PTPRM: variants seen among roughly 807,000 people sequenced by gnomAD.
PTPRM encodes the protein receptor-type tyrosine-protein phosphatase mu.
Under a neutral mutation model 186.7 loss-of-function variants are expected in PTPRM, and 47 were observed. The ratio of observed to expected loss-of-function variants is 0.25; its 90% CI spans 0.20 to 0.32. The LOEUF is 0.32. Among genes scored for constraint, PTPRM ranks in the 10% least tolerant of loss-of-function variants. PTPRM has a pLI of 1.00. For missense variants in PTPRM, 1,494 were observed against 1,865.0 expected (o/e 0.80, Z 3.66); for synonymous variants, 668 against 674.9 (o/e 0.99, Z 0.16).
intron 1 of PTPRM, chr18:7,749,258 C>T (rs953435191): frequency 6.6e-6 from 1 of 151,944 alleles, no homozygotes; most frequent in Non-Finnish European, 1.5e-5. Context: ...CATTTCGGCA[C>T]CCTTTTAGCT....
At chr18:7,699,008 A>C (rs185062257) in intron 1 of PTPRM, among the ~76,000 whole-genome samples, 65 of 152,346 alleles carry the variant, frequency 4.3e-4, no homozygotes, top group African/African-American at 1.4e-3. Context: ...ACCAGGCTGC[A>C]CATCAGGACG....
intron 17 of PTPRM, among the ~76,000 whole-genome samples, chr18:8,248,930 T>C (rs2094502267): frequency 1.3e-5 from 2 of 152,202 alleles, no homozygotes; most frequent in African/African-American, 2.4e-5. Flanking sequence ...GTCCCGTTTG[T>C]CCAATATAAG....
intron 1 of PTPRM, among the ~76,000 whole-genome samples, chr18:7,708,025 A>G (rs7230332): frequency 0.017 from 2,583 of 152,240 alleles, 77 homozygotes; most frequent in African/African-American, 0.059. Flanking sequence ...AGAATATGCT[A>G]CTCAAAAGTG....
intron 2 of PTPRM, among the ~76,000 whole-genome samples, chr18:7,863,454 G>A (rs2047502278): frequency 6.6e-6 from 1 of 152,052 alleles, no homozygotes; most frequent in Admixed American, 6.6e-5. Flanking sequence ...GCAGTGTTTG[G>A]TTTTCTGTTC....
chr18:8,104,877 A>G (rs2145592209), intron 11 of PTPRM, among the ~76,000 whole-genome samples: 1 of 152,230 alleles, frequency 6.6e-6, no homozygotes, highest in Middle Eastern at 3.4e-3. Flanking sequence ...TTTTCCTTTC[A>G]CCATTTTTAT....
chr18:7,987,521 G>C (rs1312415112), intron 7 of PTPRM, among the ~76,000 whole-genome samples: 21 of 152,130 alleles, frequency 1.4e-4, no homozygotes, highest in Admixed American at 1.4e-3. Context: ...CTAGGTCCAT[G>C]ATCTGCGGTG....
intron 2 of PTPRM, among the ~76,000 whole-genome samples, chr18:7,878,891 G>A (rs967058507): frequency 1.3e-5 from 2 of 152,158 alleles, no homozygotes; most frequent in East Asian, 1.9e-4. Context: ...AAAACTTGAC[G>A]TATGGGAAAT....
intron 3 of PTPRM, 65 bp downstream of exon 3, chr18:7,888,442 G>A (rs943535756): frequency 9.6e-6 from 14 of 1,457,530 alleles, no homozygotes; most frequent in South Asian, 1.5e-5. Context: ...ATAAATTATT[G>A]TTATATCATT....
Position 8,253,243 on chromosome 18 carries a change from G to A in PTPRM, c.2583G>A (p.Met861Ile). 6.6e-7 allele frequency: 1 copy of A among 1,521,574 alleles called. No individual in the cohort carries two copies. The highest frequency in any genetic ancestry group is 8.8e-7 in the Non-Finnish European group (1 of 1,131,620). 94.3% of individuals were successfully genotyped at this position (1,521,574 alleles called of 1,614,324 possible). The stretch of plus-strand genomic sequence containing the variant: ...TTTTCCTAGATGAAACCCACACAAT[G>A]GCCAGCGATACCAGCAGCCTGGTGC... Reference protein sequence around the residue: ...LVPINDETHTMASDTSSLVQS... With the variant: ...LVPINDETHTIASDTSSLVQS... The change falls in exon 19 of 33, where the codon ATG becomes ATA. Residue 861 changes from methionine (M) to isoleucine (I), a missense_variant. By Grantham distance (10) the Met-to-Ile change is conservative (BLOSUM62 1). Around this residue, in one of 3 missense-constraint regions of PTPRM, gnomAD observed 1,107 missense variants for 1,350.2 expected, o/e 0.82. Coordinates refer to ENST00000580170, the MANE Select transcript of PTPRM (RefSeq NM_001105244.2).
chr18:7,933,203 A>T (rs1215966793), intron 5 of PTPRM, among the ~76,000 whole-genome samples: 1 of 152,208 alleles, frequency 6.6e-6, no homozygotes, highest in Admixed American at 6.5e-5. Flanking sequence ...AGTAGTGATG[A>T]TGGCAATTTG....
chr18:8,375,938 C>T (rs560672867), intron 24 of PTPRM, 108 bp from the exon 25 acceptor site: 7 of 1,241,828 alleles, frequency 5.6e-6, no homozygotes, highest in Non-Finnish European at 8.0e-6. Context: ...GTTTCCTGGC[C>T]CTAGACTTGC....
intron 3 of PTPRM, among the ~76,000 whole-genome samples, chr18:7,899,876 T>A (rs555598807): frequency 4.7e-4 from 72 of 152,324 alleles, no homozygotes; most frequent in African/African-American, 1.7e-3. Context: ...ATATGTATTT[T>A]AAAAATTTGA....
chr18:8,078,534 G>A (rs952787702), intron 9 of PTPRM, among the ~76,000 whole-genome samples: 8 of 152,192 alleles, frequency 5.3e-5, no homozygotes, highest in African/African-American at 1.9e-4. Flanking sequence ...AGTAACCAAT[G>A]ACACAGGTGT....
At chr18:7,724,075 CTT>C (rs377072585) in intron 1 of PTPRM, among the ~76,000 whole-genome samples, 2 of 145,512 alleles carry the variant, frequency 1.4e-5, no homozygotes, top group Non-Finnish European at 1.5e-5. Flanking sequence ...TAGTAATTTC[CTT>C]TTTTTTTTTA....
intron 14 of PTPRM, among the ~76,000 whole-genome samples, chr18:8,186,404 C>T (rs1016900359): frequency 4.6e-5 from 7 of 151,454 alleles, no homozygotes; most frequent in Admixed American, 3.9e-4. Flanking sequence ...TGGTCTGTGA[C>T]TTTTTATTTA....
In PTPRM at chr18:8,275,632, G is replaced by T. The variant is rs79963524; in HGVS notation, c.2755-20736G>T. Among the ~76,000 whole-genome samples, 771 of 152,278 alleles carry T rather than the reference G, an allele frequency of 5.1e-3. 6 individuals are homozygous for T. The highest frequency in any genetic ancestry group is 0.018 in the African/African-American group (728 of 41,562). ...GCACACGCTGCTATAGGAAACTGCG[G>T]TTTGCTTTTCCCTTCTGCTGAACCT... On this transcript the variant is annotated intron_variant, in intron 19 of 32. Coordinates refer to ENST00000580170, the MANE Select transcript of PTPRM (RefSeq NM_001105244.2).
intron 2 of PTPRM, among the ~76,000 whole-genome samples, chr18:7,880,596 C>T (rs2048458417): frequency 1.3e-5 from 2 of 152,324 alleles, no homozygotes; most frequent in South Asian, 4.1e-4. Context: ...GTGGTTTCAT[C>T]AGACTGAAAT....
At chr18:7,574,432 T>TAA (rs2036636951) in intron 1 of PTPRM, among the ~76,000 whole-genome samples, 1 of 152,260 alleles carries the variant, frequency 6.6e-6, no homozygotes, top group Admixed American at 6.5e-5. Context: ...AGTGTGCTTA[T>TAA]TAGAATATTT....
In PTPRM at chr18:7,676,627, CTGTGTG is replaced by C. The variant is rs751900694; in HGVS notation, c.74-97492_74-97487del. ...TTTTCTGTCAGCCAGGAGATTCTAG[CTGTGTG>C]TGTGTGTGTGTGTGTGTGTGTGTGT... is the stretch of plus-strand genomic sequence containing the variant. On this transcript the variant is annotated intron_variant, in intron 1 of 32. Coordinates refer to ENST00000580170, the MANE Select transcript of PTPRM (RefSeq NM_001105244.2). 9.3e-3 allele frequency among the ~76,000 whole-genome samples: 1,313 copies of C among 141,486 alleles called. 7 individuals carry two copies. Among genetic ancestry groups the C allele is most frequent in the Middle Eastern group, 0.029 (8 of 274 alleles). 92.8% of individuals were successfully genotyped at this position (141,486 alleles called of 152,430 possible).
Sources: allele counts gnomAD v4.1 joint callset (sites outside exome capture counted in the v4.1 genomes callset), GRCh38; gene constraint gnomAD v4.1.1; regional missense constraint gnomAD v4.1.1; transcripts MANE v1.5; gene names NCBI Gene and HGNC (gene_info 2026-07-23, HGNC 2026-07-21).